CADM2: variants seen among roughly 807,000 people sequenced by gnomAD.
CADM2 encodes cell adhesion molecule 2.
A neutral mutation model predicts 49.8 loss-of-function variants in CADM2; 12 were observed. The ratio of observed to expected loss-of-function variants is 0.24; its 90% CI spans 0.15 to 0.39. The LOEUF (loss-of-function observed/expected upper bound fraction) is 0.39. Ranked by LOEUF, CADM2 falls within the 10% of genes least tolerant of loss-of-function variation. The pLI is 1.00. For missense variants in CADM2, 378 were observed against 492.3 expected (o/e 0.77, Z 2.20); for synonymous variants, 214 against 175.4 (o/e 1.22, Z -1.74).
chr3:85,053,855 A>G (rs1016548392), intron 1 of CADM2, among the ~76,000 whole-genome samples: 4 of 152,072 alleles, frequency 2.6e-5, no homozygotes, highest in African/African-American at 9.6e-5. Context: ...AATTAGTACA[A>G]CCAATCAAAA....
At chr3:85,302,608 G>C (rs2044127491) in intron 1 of CADM2, among the ~76,000 whole-genome samples, 1 of 151,996 alleles carries the variant, frequency 6.6e-6, no homozygotes, top group African/African-American at 2.4e-5. Context: ...GTGTAGACTG[G>C]TTAAATTGGA....
chr3:85,383,443 T>C lies in CADM2; in HGVS notation c.62-343079T>C, dbSNP rs890227700. On this transcript the variant is annotated intron_variant, in intron 1 of 9. Transcript: ENST00000383699. ...AAATTAGAAATATATCAGTCATATT[T>C]TAAGCATTTCATACACAAGATTGTG... Among the ~76,000 whole-genome samples the C allele has an allele frequency of 3.3e-5, 5 of 149,820 alleles. No homozygotes were observed. In the East Asian group the frequency reaches 9.7e-4, roughly 29 times the overall value.
At chr3:85,662,616 T>C (rs551463177) in intron 1 of CADM2, among the ~76,000 whole-genome samples, 2 of 152,182 alleles carry the variant, frequency 1.3e-5, no homozygotes, top group South Asian at 2.1e-4. Context: ...AATGATACTT[T>C]TGTCAGGCTT....
At chr3:85,016,430 G>A (rs1048253095) in intron 1 of CADM2, among the ~76,000 whole-genome samples, 1 of 152,180 alleles carries the variant, frequency 6.6e-6, no homozygotes, top group African/African-American at 2.4e-5. Context: ...TCCAACAGCT[G>A]TAGAATTTAG....
At chr3:85,517,648 A>T (rs1347097194) in intron 1 of CADM2, among the ~76,000 whole-genome samples, 7 of 152,172 alleles carry the variant, frequency 4.6e-5, no homozygotes, top group Admixed American at 4.6e-4. Flanking sequence ...CTGCACAGTT[A>T]TGCAGACAGT....
intron 1 of CADM2, among the ~76,000 whole-genome samples, chr3:85,046,076 A>G (rs1256118995): frequency 6.6e-6 from 1 of 152,042 alleles, no homozygotes; most frequent in African/African-American, 2.4e-5. Flanking sequence ...GCACTGAGAA[A>G]CTTGCAAACA....
intron 8 of CADM2, chr3:86,012,465 G>A (rs553850157): frequency 4.3e-6 from 3 of 701,222 alleles, no homozygotes; most frequent in African/African-American, 1.9e-5. Context: ...CTGCAGAGCC[G>A]GCCGACCTGG....
chr3:85,413,441 G>A (rs1576508400), intron 1 of CADM2, among the ~76,000 whole-genome samples: 1 of 152,060 alleles, frequency 6.6e-6, no homozygotes, highest in East Asian at 1.9e-4. Flanking sequence ...TTCTCATACT[G>A]CTATAAAGAA....
In CADM2 at chr3:86,010,835, A is replaced by G. The variant is rs1034641993; in HGVS notation, c.970+49188A>G. ...AAATAAATTATTAATATGCACAAATAATCAAGAAATTAATTGCCAATAAGG... is the reference window on the plus strand; with the variant it reads ...AAATAAATTATTAATATGCACAAATGATCAAGAAATTAATTGCCAATAAGG... On this transcript the variant is annotated intron_variant, in intron 8 of 9. Coordinates refer to ENST00000383699, the MANE Select transcript of CADM2 (RefSeq NM_001167675.2). Among the ~76,000 whole-genome samples, 3 of 151,742 alleles carry G rather than the reference A, an allele frequency of 2.0e-5. No homozygotes were observed. In the East Asian group the frequency reaches 5.8e-4, roughly 29 times the overall value.
chr3:85,118,191 G>A lies in CADM2; in HGVS notation c.61+158523G>A, dbSNP rs571204378. Among the ~76,000 whole-genome samples, 10 of 151,148 alleles carry A rather than the reference G, an allele frequency of 6.6e-5. No individual in the cohort carries two copies. The South Asian group carries it at 2.1e-3, about 32-fold the overall frequency. On this transcript the variant is annotated intron_variant, in intron 1 of 9. Transcript: ENST00000383699. ...ACTTATTCATCTGTTAATTCTCTCA[G>A]CATTTTATATGAAGTTATATGGGAT... is the stretch of plus-strand genomic sequence containing the variant.
At chr3:85,545,649 C>T (rs893022556) in intron 1 of CADM2, among the ~76,000 whole-genome samples, 1 of 152,124 alleles carries the variant, frequency 6.6e-6, no homozygotes, top group Admixed American at 6.5e-5. Flanking sequence ...TCTTTTTTCA[C>T]ATCTGTGTTT....
At chr3:85,943,337 T>G (rs537429827) in intron 7 of CADM2, among the ~76,000 whole-genome samples, 5 of 137,908 alleles carry the variant, frequency 3.6e-5, no homozygotes, top group Non-Finnish European at 7.7e-5. Flanking sequence ...GTCTTTAGTT[T>G]AATTAGATCC....
At chr3:85,133,427 G>C (rs1170069889) in intron 1 of CADM2, among the ~76,000 whole-genome samples, 1 of 152,022 alleles carries the variant, frequency 6.6e-6, no homozygotes, top group South Asian at 2.1e-4. Flanking sequence ...TACAGAGTGT[G>C]GACACAAAGG....
intron 2 of CADM2, among the ~76,000 whole-genome samples, chr3:85,785,463 G>T (rs1277950358): frequency 1.3e-5 from 2 of 152,008 alleles, no homozygotes; most frequent in Admixed American, 1.3e-4. Flanking sequence ...ATTTGATTTT[G>T]TGTTAATCTG....
At chr3:85,324,331 A>G (rs557833438) in intron 1 of CADM2, among the ~76,000 whole-genome samples, 2 of 152,318 alleles carry the variant, frequency 1.3e-5, no homozygotes, top group South Asian at 2.1e-4. Flanking sequence ...TTGAGTGTCA[A>G]AATCAAGTCT....
At chr3:85,981,030 CAACA>C (rs1158728317) in intron 8 of CADM2, among the ~76,000 whole-genome samples, 2 of 151,264 alleles carry the variant, frequency 1.3e-5, no homozygotes, top group Non-Finnish European at 3.0e-5. Flanking sequence ...TCCCCACCCC[CAACA>C]AACAGTTTTT....
At chr3:85,656,331 G>A (rs2065194378) in intron 1 of CADM2, among the ~76,000 whole-genome samples, 1 of 152,090 alleles carries the variant, frequency 6.6e-6, no homozygotes, top group Non-Finnish European at 1.5e-5. Flanking sequence ...AAATATTTAA[G>A]AAAAGCCGGG....
intron 8 of CADM2, among the ~76,000 whole-genome samples, chr3:85,996,626 A>C (rs1729457207): frequency 6.6e-6 from 1 of 152,164 alleles, no homozygotes; most frequent in African/African-American, 2.4e-5. Flanking sequence ...TATTATTTTA[A>C]TAATACATAG....
At chr3:85,780,016 A>G (rs2070556193) in intron 2 of CADM2, among the ~76,000 whole-genome samples, 1 of 152,202 alleles carries the variant, frequency 6.6e-6, no homozygotes, top group Non-Finnish European at 1.5e-5. Context: ...TAAAGAAAAA[A>G]TAAATATTTC....
Sources: allele counts gnomAD v4.1 joint callset (sites outside exome capture counted in the v4.1 genomes callset), GRCh38; gene constraint gnomAD v4.1.1; transcripts MANE v1.5; gene names NCBI Gene and HGNC (gene_info 2026-07-23, HGNC 2026-07-21).